Variants in CERS3 observed in about 807,000 individuals in gnomAD.
CERS3 encodes the protein LAG1 homolog, ceramide synthase 3.
A neutral mutation model predicts 50.3 loss-of-function variants in CERS3; 33 were observed. The observed-to-expected ratio is 0.66, with a 90% CI of 0.50 to 0.88. The LOEUF (loss-of-function observed/expected upper bound fraction) is 0.88. Ranked by LOEUF, CERS3 falls within the 40% of genes least tolerant of loss-of-function variation. The pLI, the probability that CERS3 is intolerant of heterozygous loss-of-function variation, is 0.00. For missense variants in CERS3, 470 were observed against 460.3 expected, an observed-to-expected ratio of 1.02 and a Z score of -0.19; for synonymous variants, 176 against 155.2, an observed-to-expected ratio of 1.13 and a Z score of -0.99.
At chr15:100,531,772 G>T (rs2036944537), upstream of CERS3, among the ~76,000 whole-genome samples, 1 of 152,310 alleles carries the variant, frequency 6.6e-6, no homozygotes, top group Non-Finnish European at 1.5e-5. Context: ...GAAGCAGTGA[G>T]TTGAGACATT....
chr15:100,476,958 C>T (rs1445840833), intron 7 of CERS3, among the ~76,000 whole-genome samples: 1 of 152,060 alleles, frequency 6.6e-6, no homozygotes, highest in African/African-American at 2.4e-5. Context: ...CTGAAGAGGC[C>T]ACAAAGAAGA....
chr15:100,477,689 G>T (rs1344934385), intron 7 of CERS3, among the ~76,000 whole-genome samples: 3 of 152,138 alleles, frequency 2.0e-5, no homozygotes, highest in African/African-American at 7.2e-5. Context: ...GCAGTATGGA[G>T]CCCAGAGACT....
chr15:100,448,760 G>T lies in CERS3; in HGVS notation c.999+7133C>A, dbSNP rs761626572. On this transcript the variant is annotated intron_variant, in intron 11 of 11. Transcript: ENST00000679737. ...AGGGCTGAAGCAGTAACTATTGACA[G>T]TGGCCCTGATATCCCCAGTAGTGTG... Among the ~76,000 whole-genome samples, 87 of 152,370 alleles carry T rather than the reference G, an allele frequency of 5.7e-4. 2 individuals are homozygous for T. The highest frequency in any genetic ancestry group is 3.4e-3 in the Middle Eastern group (1 of 294).
At chr15:100,435,637 C>G (rs2033366043) in intron 11 of CERS3, among the ~76,000 whole-genome samples, 1 of 152,166 alleles carries the variant, frequency 6.6e-6, no homozygotes, top group Admixed American at 6.5e-5. Context: ...TCTAATTAAA[C>G]TAAAGAGCTT....
At chr15:100,482,936 G>C (rs2035358425) in intron 5 of CERS3, among the ~76,000 whole-genome samples, 1 of 152,160 alleles carries the variant, frequency 6.6e-6, no homozygotes, top group Non-Finnish European at 1.5e-5. Flanking sequence ...TGTTTATCTA[G>C]TCCATAATAA....
At chr15:100,487,339 C>T (rs187480156) in intron 4 of CERS3, among the ~76,000 whole-genome samples, 1 of 152,210 alleles carries the variant, frequency 6.6e-6, no homozygotes, top group Admixed American at 6.5e-5. Flanking sequence ...ATGTGCCAAG[C>T]ACTATTCTAA....
chr15:100,503,841 A>C (rs905669745), intron 2 of CERS3: 1 of 441,474 alleles, frequency 2.3e-6, no homozygotes, highest in Non-Finnish European at 4.6e-6. Context: ...CAGAGGGAAT[A>C]ACGCCATCTG....
chr15:100,452,745 T>C (rs2034217204), intron 11 of CERS3, among the ~76,000 whole-genome samples: 1 of 151,868 alleles, frequency 6.6e-6, no homozygotes, highest in Non-Finnish European at 1.5e-5. Flanking sequence ...ACAAAATAGA[T>C]TGCTAGCTAG....
intron 11 of CERS3, chr15:100,408,522 ATTATAC>A (rs570944870): frequency 7.7e-4 from 117 of 152,284 alleles, no homozygotes; most frequent in African/African-American, 2.7e-3. Flanking sequence ...GTTTTTTGAA[ATTATAC>A]TTATAAGTAA....
intron 7 of CERS3, among the ~76,000 whole-genome samples, chr15:100,477,980 A>G (rs2035184417): frequency 6.6e-6 from 1 of 152,186 alleles, no homozygotes; most frequent in Non-Finnish European, 1.5e-5. Context: ...AAGGAAGATA[A>G]TATCATCCTG....
chr15:100,407,143 C>T (rs751797280), intron 11 of CERS3, among the ~76,000 whole-genome samples: 7 of 152,132 alleles, frequency 4.6e-5, no homozygotes, highest in Admixed American at 2.0e-4. Flanking sequence ...CAAACCATAT[C>T]AGAGGGGAAA....
intron 1 of CERS3, among the ~76,000 whole-genome samples, chr15:100,537,045 C>T (rs2037091351): frequency 6.6e-6 from 1 of 152,222 alleles, no homozygotes; most frequent in Admixed American, 6.5e-5. Flanking sequence ...TTTCCCTCTT[C>T]CTCCTATTCT....
chr15:100,544,248 G>C (rs116000084), intron 1 of CERS3: 1 of 152,226 alleles, frequency 6.6e-6, no homozygotes, highest in Non-Finnish European at 1.5e-5. Flanking sequence ...GCCCTGGAGC[G>C]CTCCTAACGG....
intron 10 of CERS3, among the ~76,000 whole-genome samples, chr15:100,466,177 A>C (rs937616406): frequency 6.6e-6 from 1 of 152,208 alleles, no homozygotes; most frequent in Non-Finnish European, 1.5e-5. Flanking sequence ...TTTAAAGACA[A>C]CAGTGTGGGA....
chr15:100,503,615 C>G (rs1186362178), intron 2 of CERS3: 4 of 454,740 alleles, frequency 8.8e-6, no homozygotes, highest in East Asian at 7.1e-5. Flanking sequence ...GGTATTCTCT[C>G]TAGGCAGACA....
At chr15:100,451,939 T>C (rs1186172726) in intron 11 of CERS3, among the ~76,000 whole-genome samples, 4 of 152,276 alleles carry the variant, frequency 2.6e-5, no homozygotes, top group Admixed American at 2.6e-4. Flanking sequence ...AATACAATTC[T>C]AAATATATGT....
chr15:100,437,749 G>A (rs1220912504), intron 11 of CERS3: 2 of 152,074 alleles, frequency 1.3e-5, no homozygotes, highest in Non-Finnish European at 2.9e-5. Flanking sequence ...TTCAATGCAG[G>A]CACTAATATC....
At chr15:100,485,030 C>T (rs1311365966) in intron 4 of CERS3, among the ~76,000 whole-genome samples, 3 of 152,130 alleles carry the variant, frequency 2.0e-5, no homozygotes, top group Admixed American at 1.3e-4. Flanking sequence ...CCAATAAAAT[C>T]CAATCTCCTC....
chr15:100,447,255 T>C (rs952390065), intron 11 of CERS3, among the ~76,000 whole-genome samples: 2 of 152,182 alleles, frequency 1.3e-5, no homozygotes, highest in Non-Finnish European at 2.9e-5. Flanking sequence ...AATACAGACA[T>C]TCCTTTCTAT....
Sources: allele counts gnomAD v4.1 joint callset (sites outside exome capture counted in the v4.1 genomes callset), GRCh38; gene constraint gnomAD v4.1.1; transcripts MANE v1.5; gene names NCBI Gene and HGNC (gene_info 2026-07-23, HGNC 2026-07-21).